Variants in MIGA1 observed in about 807,000 individuals in gnomAD.
MIGA1 encodes the protein family with sequence similarity 73, member A.
A neutral mutation model predicts 82.0 loss-of-function variants in MIGA1; 58 were observed. The observed-to-expected ratio is 0.71, with a 90% CI of 0.57 to 0.88. The LOEUF (loss-of-function observed/expected upper bound fraction) is 0.88. Ranked by LOEUF, MIGA1 falls within the 40% of genes least tolerant of loss-of-function variation. The probability of loss-of-function intolerance (pLI) is 0.00; values close to 1 mark genes in which losing one functional copy is unlikely to be tolerated. For missense variants in MIGA1, 751 were observed against 749.1 expected (o/e 1.00, Z -0.03); for synonymous variants, 249 against 253.6 (o/e 0.98, Z 0.17).
At chr1:77,851,373 C>G (rs933998084) in intron 8 of MIGA1, among the ~76,000 whole-genome samples, 8 of 151,668 alleles carry the variant, frequency 5.3e-5, no homozygotes, top group South Asian at 4.2e-4. Flanking sequence ...AAAAAAAGAC[C>G]CCCTTTTAAT....
intron 2 of MIGA1, 146 bp from the exon 3 acceptor site, chr1:77,801,185 C>T: frequency 1.9e-6 from 1 of 536,332 alleles, no homozygotes; most frequent in Non-Finnish European, 3.1e-6. Flanking sequence ...TCAAATTGGG[C>T]TAGCTTGTCA....
At chr1:77,787,201 G>A (rs1209968838) in intron 2 of MIGA1, among the ~76,000 whole-genome samples, 1 of 152,112 alleles carries the variant, frequency 6.6e-6, no homozygotes, top group East Asian at 1.9e-4. Context: ...CTGCCACTGG[G>A]TCCCTCTCAC....
rs993217848 is a variant in MIGA1 at position 77,813,792 on chromosome 1, T to C, written c.696T>C (p.Asn232=). 3.8e-5 allele frequency: 61 copies of C among 1,614,074 alleles called. No individual in the cohort carries two copies. The highest frequency in any genetic ancestry group is 6.7e-5 in the Admixed American group (4 of 60,004). The change falls in exon 6 of 16, where the codon AAT becomes AAC. Residue 232 remains asparagine (N), a synonymous_variant. Transcript: ENST00000370791. ...GGGAACAAGCTCTGACCTTTCGCAATAGACAGGCTGAAGATGAAGCCTGTG... is the reference window on the plus strand; with the variant it reads ...GGGAACAAGCTCTGACCTTTCGCAACAGACAGGCTGAAGATGAAGCCTGTG...
At chr1:77,810,849 A>G (rs1369686152) in intron 5 of MIGA1, 16 of 1,609,490 alleles carry the variant, frequency 9.9e-6, no homozygotes, top group Non-Finnish European at 1.4e-5. Context: ...TTCCAGGTTC[A>G]TCATGTCAGG....
chr1:77,816,664 A>G (rs1015909859), intron 7 of MIGA1, among the ~76,000 whole-genome samples: 2 of 152,240 alleles, frequency 1.3e-5, no homozygotes, highest in African/African-American at 2.4e-5. Flanking sequence ...TAGCATAGGC[A>G]TAATGTTTTG....
At chr1:77,836,331 A>G (rs1050704558) in intron 7 of MIGA1, among the ~76,000 whole-genome samples, 1 of 152,170 alleles carries the variant, frequency 6.6e-6, no homozygotes, top group Non-Finnish European at 1.5e-5. Context: ...CAGCTCTAGA[A>G]CCCATGGTTT....
At chr1:77,866,554 T>A (rs1346073954) in intron 14 of MIGA1, among the ~76,000 whole-genome samples, 163 bp downstream of exon 14, 3 of 152,106 alleles carry the variant, frequency 2.0e-5, no homozygotes, top group Admixed American at 2.0e-4. Flanking sequence ...GTTGGCTTCT[T>A]TTTTGAAGGC....
chr1:77,859,984 G>A (rs1685403424), intron 10 of MIGA1, 56 bp from the exon 11 acceptor site: 1 of 1,101,174 alleles, frequency 9.1e-7, no homozygotes, highest in Non-Finnish European at 1.4e-6. Context: ...TAAGTTGAAT[G>A]TCCATTCACA....
At chr1:77,858,526 T>G (rs1685346796) in intron 8 of MIGA1, among the ~76,000 whole-genome samples, 1 of 152,230 alleles carries the variant, frequency 6.6e-6, no homozygotes, top group South Asian at 2.1e-4. Context: ...TTAATCAAAT[T>G]TATTGTATTT....
At position 77,859,994 on chromosome 1, in the gene MIGA1, A is replaced by G. The variant is rs936177382; in HGVS notation, c.1189-46A>G. On this transcript the variant is annotated intron_variant, in intron 10 of 15. Coordinates refer to ENST00000370791, the MANE Select transcript of MIGA1 (RefSeq NM_198549.4). ...GCTATTAAGTTGAATGTCCATTCAC[A>G]TTCATTATAGGTCTCTTTTTTCTTT... is the stretch of plus-strand genomic sequence containing the variant. The G allele has an allele frequency of 2.8e-5, 36 of 1,267,786 alleles. No homozygotes were observed. In the East Asian group the frequency reaches 8.1e-4, roughly 29 times the overall value. The allele number at this position is 1,267,786 out of a possible 1,614,324, so 78.5% of individuals were successfully genotyped here.
Position 77,811,073 on chromosome 1 carries a change from C to T in MIGA1, c.638-2661C>T, listed in dbSNP as rs1173530082. 10 of 1,613,032 alleles carry T rather than the reference C, an allele frequency of 6.2e-6. No individual in the cohort carries two copies. The South Asian group carries it at 6.6e-5, about 11-fold the overall frequency. The stretch of plus-strand genomic sequence containing the variant: ...GGTTTGAATTCAAAGAAGATAGCTG[C>T]ACCTTTGGTTAATTTTTCAACATGC... On this transcript the variant is annotated intron_variant, in intron 5 of 15. Coordinates refer to ENST00000370791, the MANE Select transcript of MIGA1 (RefSeq NM_198549.4).
intron 7 of MIGA1, among the ~76,000 whole-genome samples, chr1:77,825,083 G>T (rs1229543688): frequency 2.7e-5 from 4 of 150,500 alleles, no homozygotes; most frequent in Non-Finnish European, 5.9e-5. Flanking sequence ...CCGCCTCCAG[G>T]GTTCAAGTGA....
intron 14 of MIGA1, among the ~76,000 whole-genome samples, chr1:77,869,707 C>A (rs1334614655): frequency 1.1e-4 from 13 of 118,588 alleles, no homozygotes; most frequent in African/African-American, 4.6e-4. Flanking sequence ...GCTGACCCCC[C>A]CACCTCCCTC....
intron 14 of MIGA1, among the ~76,000 whole-genome samples, chr1:77,869,426 T>C (rs1435798040): frequency 6.8e-6 from 1 of 147,882 alleles, no homozygotes; most frequent in Non-Finnish European, 1.5e-5. Context: ...ACCGCCATTG[T>C]CATCATGGCC....
At position 77,864,039 on chromosome 1, in the gene MIGA1, G is replaced by A. The variant is rs757014299; in HGVS notation, c.1509+11G>A. On this transcript the variant is annotated intron_variant, in intron 13 of 15. Coordinates refer to ENST00000370791, the MANE Select transcript of MIGA1 (RefSeq NM_198549.4). ...TCCTTCAAAGAAACAGTAAGTGGTG[G>A]TTAACCTTTCTCAGCCTTTTAAGTT... 6 of 1,604,412 alleles carry A rather than the reference G, an allele frequency of 3.7e-6. No individual in the cohort carries two copies. Among genetic ancestry groups the A allele is most frequent in the Non-Finnish European group, 5.1e-6 (6 of 1,177,760 alleles).
chr1:77,819,975 T>C (rs1683737816), intron 7 of MIGA1, among the ~76,000 whole-genome samples: 1 of 152,122 alleles, frequency 6.6e-6, no homozygotes, highest in South Asian at 2.1e-4. Flanking sequence ...GTGAACTTTT[T>C]GTGGACAAAG....
At chr1:77,802,103 T>C (rs1442789953) in intron 3 of MIGA1, among the ~76,000 whole-genome samples, 1 of 152,200 alleles carries the variant, frequency 6.6e-6, no homozygotes, top group African/African-American at 2.4e-5. Context: ...GGTAAAGATA[T>C]CGTATGAATA....
intron 2 of MIGA1, among the ~76,000 whole-genome samples, chr1:77,790,253 C>T (rs1311822819): frequency 2.0e-5 from 3 of 152,110 alleles, no homozygotes; most frequent in Non-Finnish European, 4.4e-5. Flanking sequence ...AAAGATTTAC[C>T]TCTTGCATCC....
chr1:77,800,647 G>A (rs938097520), intron 2 of MIGA1, among the ~76,000 whole-genome samples: 2 of 152,112 alleles, frequency 1.3e-5, no homozygotes, highest in African/African-American at 4.8e-5. Context: ...TTGTATAACT[G>A]TATTTATCAC....
Sources: allele counts gnomAD v4.1 joint callset (sites outside exome capture counted in the v4.1 genomes callset), GRCh38; gene constraint gnomAD v4.1.1; transcripts MANE v1.5; gene names NCBI Gene and HGNC (gene_info 2026-07-23, HGNC 2026-07-21).